Variants in KIF21A observed in about 807,000 individuals in gnomAD.
The protein encoded by KIF21A is kinesin family member 21A, also known as kinesin-like protein KIF21A.
KIF21A carries 114 observed loss-of-function variants against 202.9 expected under a neutral mutation model. That is an observed-to-expected ratio of 0.56 (90% confidence interval 0.48 to 0.66). KIF21A has a LOEUF of 0.66. KIF21A is among the 30% of genes least tolerant of loss of function. The pLI, the probability that KIF21A is intolerant of heterozygous loss-of-function variation, is 0.00. For synonymous variants in KIF21A, 667 were observed against 670.8 expected (o/e 0.99, Z 0.09); for missense variants, 1,677 against 1,994.9 (o/e 0.84, Z 3.04).
At chr12:39,357,581 C>A in intron 8 of KIF21A, 144 bp from the exon 9 acceptor site, 4 of 714,680 alleles carry the variant, frequency 5.6e-6, no homozygotes, top group South Asian at 1.5e-5. Flanking sequence ...ATCCTTTCAC[C>A]TCTAGTAGAA....
rs552970913 is a variant in KIF21A, at chr12:39,322,680, T to C, written c.3659A>G (p.Lys1220Arg). 4 of 1,614,074 alleles carry C rather than the reference T, an allele frequency of 2.5e-6. No individual in the cohort carries two copies. In the East Asian group the frequency reaches 8.9e-5, roughly 36 times the overall value. Reference protein sequence around the residue: ...ELSPPPGLPSKIGSISRQSSL... With the variant: ...ELSPPPGLPSRIGSISRQSSL... ...GGGCCAAACTTACATGCTGCCTATC[T>C]TAGAAGGTAAGCCAGGTGGGGGAGA... Residue 1220 changes from lysine to arginine, a missense_variant, in exon 27 of 38, where the codon AAG (lysine) becomes AGG (arginine). This residue lies in a region of KIF21A where 705 missense variants were observed against 791.9 expected (regional missense o/e 0.89). Transcript: ENST00000361418.
chr12:39,429,168 G>A (rs1954991995), intron 1 of KIF21A, among the ~76,000 whole-genome samples: 1 of 152,098 alleles, frequency 6.6e-6, no homozygotes, highest in African/African-American at 2.4e-5. Flanking sequence ...AGCTCACCTT[G>A]CCTGCTAACC....
intron 1 of KIF21A, among the ~76,000 whole-genome samples, chr12:39,406,306 G>A (rs769085315): frequency 2.6e-5 from 4 of 152,134 alleles, no homozygotes; most frequent in Non-Finnish European, 4.4e-5. Context: ...CTATAACATT[G>A]TATTATCTTC....
chr12:39,402,276 G>T (rs1212462130), intron 1 of KIF21A, among the ~76,000 whole-genome samples: 1 of 152,200 alleles, frequency 6.6e-6, no homozygotes, highest in Non-Finnish European at 1.5e-5. Context: ...AACTTGGGTA[G>T]AACAGGAGTT....
chr12:39,346,969 A>G (rs1947949765), intron 11 of KIF21A, among the ~76,000 whole-genome samples: 1 of 151,906 alleles, frequency 6.6e-6, no homozygotes, highest in South Asian at 2.1e-4. Flanking sequence ...ATATGAAAAT[A>G]CCACTAATAC....
chr12:39,319,988 T>C lies in KIF21A; in HGVS notation c.3697A>G (p.Lys1233Glu), dbSNP rs1219822918. The change falls in exon 28 of 38, where the codon AAA becomes GAA. Residue 1233 changes from lysine (K) to glutamate (E), a missense_variant. Physicochemically the swap from Lys to Glu is moderately conservative, Grantham distance 56. Around this residue, in one of 3 missense-constraint regions of KIF21A, gnomAD observed 705 missense variants for 791.9 expected, o/e 0.89. Coordinates refer to ENST00000361418, the MANE Select transcript of KIF21A (RefSeq NM_001173464.2). Reference protein sequence around the residue: ...SISRQSSLSEKKIPEPSPVTR... With the variant: ...SISRQSSLSEEKIPEPSPVTR... ...ACAGGAGAAGGCTCTGGAATTTTTT[T>C]TTCTGATAGAGATGACTGCCTGGAA... is the stretch of plus-strand genomic sequence containing the variant. The C allele has an allele frequency of 1.2e-6, 2 of 1,606,080 alleles. No homozygotes were observed. The highest frequency in any genetic ancestry group is 1.7e-6 in the Non-Finnish European group (2 of 1,174,558).
chr12:39,319,099 C>A (rs1001104349), intron 28 of KIF21A, among the ~76,000 whole-genome samples: 2 of 152,092 alleles, frequency 1.3e-5, no homozygotes, highest in African/African-American at 4.8e-5. Context: ...CATTTAGGCA[C>A]GGAAAATAAA....
In KIF21A at chr12:39,330,748, T is replaced by C. The variant is rs1946438233; in HGVS notation, c.3317A>G (p.Gln1106Arg). The change falls in exon 23 of 38, where the codon CAA becomes CGA. Residue 1106 changes from glutamine (Q) to arginine (R), a missense_variant and splice_region_variant. Physicochemically the swap from Gln to Arg is conservative, Grantham distance 43 (BLOSUM62 1). Transcript: ENST00000361418. ...AACTAAAATTGAGAGCAAATTACCT[T>C]GTAAAGCATGGCCTAGTAAAGCATC... The part of the protein sequence containing the change: ...ELDALLGHAL[Q>R]DLDSVPLENV... 1 of 1,613,892 alleles carries C rather than the reference T, an allele frequency of 6.2e-7. No individual in the cohort carries two copies. The highest frequency in any genetic ancestry group is 8.5e-7 in the Non-Finnish European group (1 of 1,179,794).
At chr12:39,414,215 T>A (rs1953348858) in intron 1 of KIF21A, among the ~76,000 whole-genome samples, 1 of 152,226 alleles carries the variant, frequency 6.6e-6, no homozygotes, top group African/African-American at 2.4e-5. Context: ...TCAGGAATGG[T>A]CATATAAAGA....
At position 39,439,682 on chromosome 12, in the gene KIF21A, T is replaced by C. The variant is rs145047654; in HGVS notation, c.44+3245A>G. Among the ~76,000 whole-genome samples, 306 of 152,300 alleles carry C rather than the reference T, an allele frequency of 2.0e-3. 4 individuals carry two copies. Among genetic ancestry groups the C allele is most frequent in the African/African-American group, 7.1e-3 (294 of 41,576 alleles). ...CATTAATCATAATTCAAGCGCTTAA[T>C]AGCCACATGGGGTTGGATAGCAAGG... On this transcript the variant is annotated intron_variant, in intron 1 of 37. Coordinates refer to ENST00000361418, the MANE Select transcript of KIF21A (RefSeq NM_001173464.2).
intron 1 of KIF21A, among the ~76,000 whole-genome samples, chr12:39,437,054 G>A (rs1461918700): frequency 6.6e-6 from 1 of 152,082 alleles, no homozygotes; most frequent in Non-Finnish European, 1.5e-5. Context: ...ACTCATCTTT[G>A]AGCTGTAACA....
intron 35 of KIF21A, 145 bp downstream of exon 35, chr12:39,304,675 AC>A (rs1943284456): frequency 1.6e-6 from 1 of 608,110 alleles, no homozygotes; most frequent in Admixed American, 2.9e-5. Flanking sequence ...AAAACCACTA[AC>A]TATGAATGAG....
chr12:39,382,599 A>G (rs1206443731), intron 1 of KIF21A, among the ~76,000 whole-genome samples: 1 of 152,208 alleles, frequency 6.6e-6, no homozygotes, highest in Non-Finnish European at 1.5e-5. Context: ...TTAGATTTTT[A>G]AAATTATTTT....
chr12:39,404,479 T>G, intron 1 of KIF21A, among the ~76,000 whole-genome samples: 1 of 152,236 alleles, frequency 6.6e-6, no homozygotes, highest in Non-Finnish European at 1.5e-5. Flanking sequence ...ATTTCACTAC[T>G]GTAAGTAGTG....
chr12:39,381,341 G>A lies in KIF21A; in HGVS notation c.45-11080C>T, dbSNP rs117676452. Among the ~76,000 whole-genome samples the A allele has an allele frequency of 4.2e-3, 630 of 151,736 alleles. 3 individuals carry two copies. The highest frequency in any genetic ancestry group is 6.4e-3 in the Non-Finnish European group (432 of 67,896). On this transcript the variant is annotated intron_variant, in intron 1 of 37. Transcript: ENST00000361418. ...AAAAAAAAAACTATTTCATTATGGG[G>A]AAAGCTAGCATTCTGACTCTATAAT...
rs1443125493 is a variant in KIF21A, at chr12:39,443,072, G to C, written c.-102C>G. 2.4e-6 allele frequency: 3 copies of C among 1,249,256 alleles called. No homozygotes were observed. Among genetic ancestry groups the C allele is most frequent in the Non-Finnish European group, 3.1e-6 (3 of 956,868 alleles). 77.4% of individuals were successfully genotyped at this position (1,249,256 alleles called of 1,614,324 possible). A position where few individuals can be genotyped will look rare whatever the true frequency, so the allele number is the denominator to read the frequency against. ...GGCGCAGTAGGCTGGGGCGTCTGCG[G>C]GCGGGCGGCCGGCTCACCTCCGCCG... On this transcript the variant is annotated 5_prime_UTR_variant, in exon 1 of 38. Coordinates refer to ENST00000361418, the MANE Select transcript of KIF21A (RefSeq NM_001173464.2).
chr12:39,432,428 AAAG>A (rs1938058668), intron 1 of KIF21A, among the ~76,000 whole-genome samples: 1 of 152,218 alleles, frequency 6.6e-6, no homozygotes, highest in East Asian at 1.9e-4. Context: ...ATAAAGAATC[AAAG>A]GAGACAGCAT....
In KIF21A at chr12:39,332,970, C is replaced by T. The variant is rs1344324493; in HGVS notation, c.2625G>A (p.Arg875=). The T allele has an allele frequency of 6.2e-7, 1 of 1,614,150 alleles. No individual in the cohort carries two copies. Among genetic ancestry groups the T allele is most frequent in the Non-Finnish European group, 8.5e-7 (1 of 1,180,018 alleles). Residue 875 remains arginine (R), a synonymous_variant, in exon 19 of 38, where the codon AGG becomes AGA. Coordinates refer to ENST00000361418, the MANE Select transcript of KIF21A (RefSeq NM_001173464.2). ...TTCTCATTTTCTGCTGGGCTCCTGT[C>T]CTTGATGCATCTGTTTCGACAGCAG... The part of the protein sequence containing the change: ...SAAAVETDAS[R]TGAQQKMRIP...
At chr12:39,389,382 G>A (rs927802083) in intron 1 of KIF21A, among the ~76,000 whole-genome samples, 1 of 152,100 alleles carries the variant, frequency 6.6e-6, no homozygotes, top group African/African-American at 2.4e-5. Context: ...AGGGCAATAT[G>A]GAATCATCCA....
Sources: allele counts gnomAD v4.1 joint callset (sites outside exome capture counted in the v4.1 genomes callset), GRCh38; gene constraint gnomAD v4.1.1; regional missense constraint gnomAD v4.1.1; transcripts MANE v1.5; gene names NCBI Gene and HGNC (gene_info 2026-07-23, HGNC 2026-07-21).